The following CADM2 variants were observed in gnomAD, a reference collection of about 807,000 sequenced individuals.
CADM2 encodes immunoglobulin superfamily member 4D.
In CADM2, 12 loss-of-function variants were observed where a neutral mutation model predicts 49.8. The observed-to-expected ratio is 0.24, with a 90% CI of 0.15 to 0.39. The LOEUF is 0.39. CADM2 is among the 10% of genes least tolerant of loss of function. The pLI, the probability that CADM2 is intolerant of heterozygous loss-of-function variation, is 1.00. For synonymous variants in CADM2, 214 were observed against 175.4 expected, an observed-to-expected ratio of 1.22 and a Z score of -1.74; for missense variants, 378 against 492.3, an observed-to-expected ratio of 0.77 and a Z score of 2.20.
intron 1 of CADM2, among the ~76,000 whole-genome samples, chr3:85,149,410 G>T (rs1002319582): frequency 6.6e-6 from 1 of 152,038 alleles, no homozygotes; most frequent in African/African-American, 2.4e-5. Context: ...AGCAAAAATG[G>T]ACTAAAGCAA....
chr3:85,625,857 T>C (rs748030788), intron 1 of CADM2, among the ~76,000 whole-genome samples: 1 of 152,048 alleles, frequency 6.6e-6, no homozygotes, highest in African/African-American at 2.4e-5. Context: ...TTTGTATGTA[T>C]TGCTGTCAAT....
chr3:85,082,691 G>C (rs2037212523), intron 1 of CADM2, among the ~76,000 whole-genome samples: 2 of 152,100 alleles, frequency 1.3e-5, no homozygotes, highest in East Asian at 3.9e-4. Context: ...TAGGGCACAC[G>C]GTTAGGGGTC....
At chr3:85,215,380 AAAG>A (rs2041899611) in intron 1 of CADM2, among the ~76,000 whole-genome samples, 1 of 151,426 alleles carries the variant, frequency 6.6e-6, no homozygotes, top group African/African-American at 2.4e-5. Flanking sequence ...AAAAAAAAAA[AAAG>A]AAAAAAACTT....
At chr3:85,604,936 G>T (rs981595248) in intron 1 of CADM2, among the ~76,000 whole-genome samples, 1 of 151,956 alleles carries the variant, frequency 6.6e-6, no homozygotes, top group Admixed American at 6.6e-5. Context: ...TTTTCAGACA[G>T]ATGGACCCTG....
intron 1 of CADM2, among the ~76,000 whole-genome samples, chr3:85,405,577 A>C (rs1024073167): frequency 1.6e-4 from 24 of 152,158 alleles, no homozygotes; most frequent in African/African-American, 5.6e-4. Flanking sequence ...CCTCACTCAA[A>C]AGTAATTCAA....
intron 1 of CADM2, among the ~76,000 whole-genome samples, chr3:85,519,413 C>G (rs553071092): frequency 6.6e-6 from 1 of 152,120 alleles, no homozygotes; most frequent in South Asian, 2.1e-4. Flanking sequence ...CAATTACTTA[C>G]TCAATTATAT....
At chr3:85,230,332 C>G (rs1282015384) in intron 1 of CADM2, among the ~76,000 whole-genome samples, 2 of 152,292 alleles carry the variant, frequency 1.3e-5, no homozygotes, top group East Asian at 3.9e-4. Context: ...ATAGCTAAGC[C>G]TAAATGACAC....
chr3:85,865,791 A>G (rs562865083), intron 3 of CADM2, among the ~76,000 whole-genome samples: 1 of 152,340 alleles, frequency 6.6e-6, no homozygotes, highest in South Asian at 2.1e-4. Flanking sequence ...AACTTAAACT[A>G]CAATAGATAC....
chr3:85,627,001 G>A (rs998079279), intron 1 of CADM2, among the ~76,000 whole-genome samples: 9 of 152,028 alleles, frequency 5.9e-5, no homozygotes, highest in Admixed American at 2.0e-4. Flanking sequence ...ACAGTGTGTA[G>A]GAATTTTAGT....
At chr3:85,212,870 C>A (rs991959974) in intron 1 of CADM2, among the ~76,000 whole-genome samples, 5 of 124,024 alleles carry the variant, frequency 4.0e-5, no homozygotes, top group African/African-American at 1.5e-4. Context: ...TTCTTTCTTT[C>A]TTTCTTTCTT....
At chr3:85,349,878 A>G (rs2031160441) in intron 1 of CADM2, among the ~76,000 whole-genome samples, 1 of 152,196 alleles carries the variant, frequency 6.6e-6, no homozygotes. Context: ...AGACCATGCC[A>G]CAACCGTTCA....
chr3:85,320,097 C>T lies in CADM2; in HGVS notation c.61+360429C>T, dbSNP rs540374356. Among the ~76,000 whole-genome samples, 8 of 152,194 alleles carry T rather than the reference C, an allele frequency of 5.3e-5. No individual in the cohort carries two copies. The East Asian group carries it at 1.4e-3, about 26-fold the overall frequency. Reference sequence around the variant, plus strand: ...TTCTCAGGAAGAGAACATTTGGCCCCCAGGGGAACATTTGGCAATGTCTGG... The same window carrying T: ...TTCTCAGGAAGAGAACATTTGGCCCTCAGGGGAACATTTGGCAATGTCTGG... On this transcript the variant is annotated intron_variant, in intron 1 of 9. Coordinates refer to ENST00000383699, the MANE Select transcript of CADM2 (RefSeq NM_001167675.2).
At chr3:85,938,095 T>G (rs1036380108) in intron 7 of CADM2, among the ~76,000 whole-genome samples, 2 of 152,088 alleles carry the variant, frequency 1.3e-5, no homozygotes, top group Non-Finnish European at 2.9e-5. Context: ...CTATTGCTTC[T>G]TCTTCGTTCT....
intron 5 of CADM2, among the ~76,000 whole-genome samples, chr3:85,896,631 A>C: frequency 6.6e-6 from 1 of 152,280 alleles, no homozygotes; most frequent in East Asian, 1.9e-4. Flanking sequence ...AGCATTATTT[A>C]CTTATTATAT....
chr3:85,423,363 A>T (rs973232492), intron 1 of CADM2, among the ~76,000 whole-genome samples: 1 of 152,158 alleles, frequency 6.6e-6, no homozygotes, highest in Non-Finnish European at 1.5e-5. Context: ...GTTCTCATTT[A>T]GGGCCACGGG....
At chr3:85,574,765 T>G (rs567179668) in intron 1 of CADM2, among the ~76,000 whole-genome samples, 19 of 152,298 alleles carry the variant, frequency 1.2e-4, no homozygotes, top group African/African-American at 4.6e-4. Context: ...ATATCTCTTA[T>G]TTTTCAAATT....
chr3:85,956,355 A>C (rs1724046454), intron 7 of CADM2, among the ~76,000 whole-genome samples: 1 of 151,696 alleles, frequency 6.6e-6, no homozygotes, highest in Non-Finnish European at 1.5e-5. Flanking sequence ...TTAAGATGAA[A>C]CACAAATTGT....
chr3:85,174,280 C>T (rs1369435609), intron 1 of CADM2, among the ~76,000 whole-genome samples: 4 of 152,056 alleles, frequency 2.6e-5, no homozygotes, highest in Admixed American at 2.0e-4. Flanking sequence ...CTGTTGTGCC[C>T]TGTAAGAAAG....
chr3:85,279,787 T>C lies in CADM2; in HGVS notation c.61+320119T>C, dbSNP rs115139695. 2.7e-3 allele frequency among the ~76,000 whole-genome samples: 403 copies of C among 151,772 alleles called. 2 individuals are homozygous for C. Among genetic ancestry groups the C allele is most frequent in the African/African-American group, 9.3e-3 (385 of 41,542 alleles). On this transcript the variant is annotated intron_variant, in intron 1 of 9. Transcript: ENST00000383699. ...ATGGGTTCTAATTTCTCTACATACT[T>C]ACCATCACTGGTCTTTAAAAGAAAA... is the stretch of plus-strand genomic sequence containing the variant.
Sources: allele counts gnomAD v4.1 joint callset (sites outside exome capture counted in the v4.1 genomes callset), GRCh38; gene constraint gnomAD v4.1.1; transcripts MANE v1.5; gene names NCBI Gene and HGNC (gene_info 2026-07-23, HGNC 2026-07-21).